PDZD2: variants seen among roughly 807,000 people sequenced by gnomAD.
The protein encoded by PDZD2 is PDZ domain containing 2.
PDZD2 carries 90 observed loss-of-function variants against 220.7 expected under a neutral mutation model. The observed-to-expected ratio is 0.41, with a 90% CI of 0.34 to 0.49. The LOEUF (loss-of-function observed/expected upper bound fraction) is 0.49. Ranked by LOEUF, PDZD2 falls within the 20% of genes least tolerant of loss-of-function variation. PDZD2 has a pLI of 0.28. For missense variants in PDZD2, 3,174 were observed against 3,608.5 expected (o/e 0.88, Z 3.08); for synonymous variants, 1,375 against 1,450.5 (o/e 0.95, Z 1.18).
At position 32,073,942 on chromosome 5, in the gene PDZD2, C is replaced by T; in HGVS notation, c.2836C>T (p.Pro946Ser). ...QVTVARQASL[P>S]GSPQALRNPL... is the part of the protein sequence containing the mutation. ...GACAGTTGCCAGACAAGCCAGTCTC[C>T]CCGGAAGCCCACAGGCCCTCCGAAA... Residue 946 changes from proline to serine, a missense_variant, in exon 18 of 25, where the codon CCC (proline) becomes TCC (serine). Around this residue, in one of 4 missense-constraint regions of PDZD2, gnomAD observed 1,861 missense variants for 2,001.0 expected, o/e 0.93. Transcript: ENST00000438447. 5 of 1,614,106 alleles carry T rather than the reference C, an allele frequency of 3.1e-6. No homozygotes were observed. The highest frequency in any genetic ancestry group is 4.2e-6 in the Non-Finnish European group (5 of 1,179,978).
At chr5:31,928,169 CAA>C (rs1045878193) in intron 2 of PDZD2, among the ~76,000 whole-genome samples, 2 of 152,164 alleles carry the variant, frequency 1.3e-5, no homozygotes, top group African/African-American at 2.4e-5. Context: ...GAGTATTTCA[CAA>C]AGTCTTCAAA....
At chr5:31,740,096 T>A (rs568138872) in intron 1 of PDZD2, among the ~76,000 whole-genome samples, 1 of 152,316 alleles carries the variant, frequency 6.6e-6, no homozygotes. Context: ...CTTCCACCTC[T>A]CGGTAGCCAT....
chr5:32,088,828 G>C lies in PDZD2; in HGVS notation c.5380G>C (p.Ala1794Pro), dbSNP rs377489804. 2.1e-5 allele frequency: 34 copies of C among 1,613,772 alleles called. No individual in the cohort carries two copies. Among genetic ancestry groups the C allele is most frequent in the Non-Finnish European group, 2.8e-5 (33 of 1,179,958 alleles). Residue 1794 changes from alanine (A) to proline (P), a missense_variant, in exon 20 of 25, where the codon GCT becomes CCT. Around this residue, in one of 4 missense-constraint regions of PDZD2, gnomAD observed 1,861 missense variants for 2,001.0 expected, o/e 0.93. Transcript: ENST00000438447. This position sits in a 1 kb window ranked among gnomAD's most constrained non-coding sequence, Gnocchi z 4.6. ...DDLLQKPKMI[A>P]RRPIMAWFKE... ...CTTGCTACAGAAACCAAAAATGATCGCTAGGAGGCCCATCATGGCCTGGTT... is the reference window on the plus strand; with the variant it reads ...CTTGCTACAGAAACCAAAAATGATCCCTAGGAGGCCCATCATGGCCTGGTT...
At chr5:31,919,547 A>G (rs1744006425) in intron 2 of PDZD2, among the ~76,000 whole-genome samples, 1 of 151,894 alleles carries the variant, frequency 6.6e-6, no homozygotes, top group South Asian at 2.1e-4. Context: ...GGGTTTCACC[A>G]TGTTGGCCAG....
chr5:31,803,824 C>G (rs1163921644), intron 2 of PDZD2, among the ~76,000 whole-genome samples: 1 of 151,844 alleles, frequency 6.6e-6, no homozygotes, highest in Non-Finnish European at 1.5e-5. Flanking sequence ...TTGCTTGAGC[C>G]CAGGGGTTCA....
At chr5:32,003,350 C>CCACA (rs1561318088) in intron 5 of PDZD2, among the ~76,000 whole-genome samples, 1 of 41,758 alleles carries the variant, frequency 2.4e-5, no homozygotes, top group Non-Finnish European at 5.0e-5. Context: ...CACACACACA[C>CCACA]CACACACCAC....
At chr5:32,076,114 C>T (rs527543434) in intron 18 of PDZD2, among the ~76,000 whole-genome samples, 126 of 151,994 alleles carry the variant, frequency 8.3e-4, no homozygotes, top group African/African-American at 3.0e-3. Context: ...GGCAAAACCC[C>T]GTCTCTACTG....
At chr5:31,662,584 T>C (rs1166830689) in intron 1 of PDZD2, among the ~76,000 whole-genome samples, 1 of 152,206 alleles carries the variant, frequency 6.6e-6, no homozygotes, top group Non-Finnish European at 1.5e-5. Context: ...GATGGTGCCT[T>C]CTAGCTGCAT....
intron 1 of PDZD2, among the ~76,000 whole-genome samples, chr5:31,688,889 C>A (rs1371108279): frequency 2.0e-5 from 3 of 152,106 alleles, no homozygotes; most frequent in African/African-American, 7.2e-5. Context: ...TTTCCAGGCT[C>A]CCCTGGGGGT....
At chr5:31,765,084 A>G (rs1487848720) in intron 1 of PDZD2, among the ~76,000 whole-genome samples, 1 of 152,032 alleles carries the variant, frequency 6.6e-6, no homozygotes, top group East Asian at 1.9e-4. Context: ...CTCAAGAAAA[A>G]AAAAAAAAGA....
At chr5:31,674,977 G>A (rs546995698) in intron 1 of PDZD2, among the ~76,000 whole-genome samples, 4 of 152,200 alleles carry the variant, frequency 2.6e-5, no homozygotes, top group Admixed American at 6.5e-5. Flanking sequence ...CCAGATCCCT[G>A]TTCTGTGCTA....
At chr5:31,789,026 A>ATT (rs532251515) in intron 1 of PDZD2, among the ~76,000 whole-genome samples, 111 of 152,312 alleles carry the variant, frequency 7.3e-4, no homozygotes, top group African/African-American at 2.6e-3. Context: ...TTCACTAAGG[A>ATT]TTTTATTCAG....
intron 2 of PDZD2, among the ~76,000 whole-genome samples, chr5:31,919,878 G>A (rs992002340): frequency 6.8e-4 from 101 of 149,516 alleles, no homozygotes; most frequent in African/African-American, 2.4e-3. Context: ...TTATGAACCA[G>A]GCGTGGTGGT....
At chr5:31,908,783 G>A (rs559147045) in intron 2 of PDZD2, 28 of 801,704 alleles carry the variant, frequency 3.5e-5, no homozygotes, top group South Asian at 2.2e-4. Context: ...GGTGGCTCAC[G>A]CCTATAATCC....
chr5:31,824,514 G>T (rs1756093247), intron 2 of PDZD2, among the ~76,000 whole-genome samples: 1 of 152,036 alleles, frequency 6.6e-6, no homozygotes, highest in East Asian at 1.9e-4. Context: ...CATGCCATAG[G>T]GGCTACACTG....
chr5:31,997,953 C>G (rs1751774381), intron 4 of PDZD2, among the ~76,000 whole-genome samples: 1 of 152,186 alleles, frequency 6.6e-6, no homozygotes, highest in South Asian at 2.1e-4. Context: ...AGTGATTTTT[C>G]TGCCTCCACC....
At chr5:31,640,536 C>A (rs965064057) in intron 1 of PDZD2, among the ~76,000 whole-genome samples, 13 of 152,216 alleles carry the variant, frequency 8.5e-5, no homozygotes, top group Non-Finnish European at 2.9e-5. Flanking sequence ...GTAAGTGATG[C>A]CCTGATCTGT....
At chr5:32,011,353 G>C (rs1753305596) in intron 6 of PDZD2, among the ~76,000 whole-genome samples, 1 of 149,758 alleles carries the variant, frequency 6.7e-6, no homozygotes, top group African/African-American at 2.5e-5. Flanking sequence ...AAAAAAATTA[G>C]CCAGGTGTGG....
intron 1 of PDZD2, among the ~76,000 whole-genome samples, chr5:31,736,531 T>A (rs1749871547): frequency 6.6e-6 from 1 of 152,268 alleles, no homozygotes; most frequent in African/African-American, 2.4e-5. Context: ...ATATTTTAGA[T>A]CTTAAAACTG....
Sources: allele counts gnomAD v4.1 joint callset (sites outside exome capture counted in the v4.1 genomes callset), GRCh38; gene constraint gnomAD v4.1.1; regional missense constraint gnomAD v4.1.1; non-coding constraint Gnocchi (gnomAD v3.1); transcripts MANE v1.5; gene names NCBI Gene and HGNC (gene_info 2026-07-23, HGNC 2026-07-21).